The following CFAP46 variants were observed in gnomAD, a reference collection of about 807,000 sequenced individuals.
The protein encoded by CFAP46 is cilia- and flagella-associated protein 46.
Under a neutral mutation model 325.7 loss-of-function variants are expected in CFAP46, and 245 were observed. The observed-to-expected ratio is 0.75, with a 90% CI of 0.68 to 0.84. CFAP46 has a LOEUF of 0.84. Among genes scored for constraint, CFAP46 ranks in the 40% least tolerant of loss-of-function variants. The pLI is 0.00. For missense variants in CFAP46, 3,346 were observed against 3,543.0 expected (o/e 0.94, Z 1.41); for synonymous variants, 1,523 against 1,495.9 (o/e 1.02, Z -0.42).
At chr10:132,903,868 G>T (rs1447703272) in intron 22 of CFAP46, among the ~76,000 whole-genome samples, 1 of 152,126 alleles carries the variant, frequency 6.6e-6, no homozygotes, top group Admixed American at 6.5e-5. Flanking sequence ...TAAGACTATT[G>T]TTCTTTACCC....
chr10:132,833,376 G>A lies in CFAP46; in HGVS notation c.7099C>T (p.Leu2367Phe), dbSNP rs752465441. The change falls in exon 50 of 58, where the codon CTC becomes TTC. Residue 2367 changes from leucine (L) to phenylalanine (F), a missense_variant. Leu to Phe is a conservative substitution (Grantham distance 22). Coordinates refer to ENST00000368586, the MANE Select transcript of CFAP46 (RefSeq NM_001200049.3). The part of the protein sequence containing the change: ...EFSLQMLWNR[L>F]HKEETEGGVK... ...TTCCTACCTGTCTCTTCTTTATGGA[G>A]GCGATTCCACAGCATTTGAAGAGAA... The A allele has an allele frequency of 6.2e-7, 1 of 1,613,896 alleles. No individual in the cohort carries two copies. Among genetic ancestry groups the A allele is most frequent in the East Asian group, 2.2e-5 (1 of 44,894 alleles).
chr10:132,830,735 T>C (rs1013261331), intron 50 of CFAP46, among the ~76,000 whole-genome samples: 6 of 152,248 alleles, frequency 3.9e-5, no homozygotes, highest in African/African-American at 1.2e-4. Context: ...ATTAATTTTA[T>C]TGATTTTTCT....
In CFAP46 at chr10:132,832,984, T is replaced by C. The variant is rs1308710313; in HGVS notation, c.7117+374A>G. The stretch of plus-strand genomic sequence containing the variant: ...AGTGTTTATATATATACATATATAT[T>C]TTATTTTTGACAGGGTCTCACTCTG... On this transcript the variant is annotated intron_variant, in intron 50 of 57. Coordinates refer to ENST00000368586, the MANE Select transcript of CFAP46 (RefSeq NM_001200049.3). This position sits in a 1 kb window ranked among gnomAD's most constrained non-coding sequence, Gnocchi z 4.1. Among the ~76,000 whole-genome samples the C allele has an allele frequency of 6.6e-6, 1 of 152,140 alleles. No individual in the cohort carries two copies. The highest frequency in any genetic ancestry group is 1.5e-5 in the Non-Finnish European group (1 of 68,030).
rs566379853 is a variant in CFAP46, at chr10:132,884,707, G to A, written c.3627+396C>T. ...CGCCCACATCCCAGGGCCCTGCAGAGCCCTGCTCTCCTGTGCAGCCACCCG... is the reference window on the plus strand; with the variant it reads ...CGCCCACATCCCAGGGCCCTGCAGAACCCTGCTCTCCTGTGCAGCCACCCG... On this transcript the variant is annotated intron_variant, in intron 27 of 57. Coordinates refer to ENST00000368586, the MANE Select transcript of CFAP46 (RefSeq NM_001200049.3). The surrounding 1 kb of genome is among the most constrained non-coding windows in gnomAD (Gnocchi z 5.4). Among the ~76,000 whole-genome samples, 76 of 152,194 alleles carry A rather than the reference G, an allele frequency of 5.0e-4. No individual in the cohort carries two copies. Among genetic ancestry groups the A allele is most frequent in the Middle Eastern group, 3.4e-3 (1 of 294 alleles).
chr10:132,888,363 C>T (rs61862358), intron 25 of CFAP46, among the ~76,000 whole-genome samples: 68 of 46,256 alleles, frequency 1.5e-3, no homozygotes, highest in South Asian at 4.2e-3. Flanking sequence ...CTGCCGCCTG[C>T]ACCTGCCACC....
intron 5 of CFAP46, 85 bp downstream of exon 5, chr10:132,938,503 TC>T (rs60993054): frequency 0.43 from 537,079 of 1,238,472 alleles, 117,018 homozygotes; most frequent in African/African-American, 0.72. Flanking sequence ...GGAACTCCCG[TC>T]CCCCCCCCGG....
intron 35 of CFAP46, among the ~76,000 whole-genome samples, chr10:132,862,503 A>C (rs2135240193): frequency 6.6e-6 from 1 of 151,450 alleles, no homozygotes; most frequent in South Asian, 2.1e-4. Context: ...ACTGAGTGGG[A>C]GGGGCAGAGC....
rs1480333612 is a variant in CFAP46, at chr10:132,924,767, C to G, written c.1185G>C (p.Leu395=). The part of the protein sequence containing the change: ...ATQWNTCLPL[L]QHNLRHHLRK... ...GCAGGTGGTGCCGCAGGTTGTGCTG[C>G]AGCAGGGGCAGGCAGGTGTTCCACT... Residue 395 remains leucine, a synonymous_variant, in exon 11 of 58, where the codon CTG becomes CTC. Coordinates refer to ENST00000368586, the MANE Select transcript of CFAP46 (RefSeq NM_001200049.3). 6.5e-7 allele frequency: 1 copy of G among 1,535,678 alleles called. No homozygotes were observed. The highest frequency in any genetic ancestry group is 2.5e-5 in the East Asian group (1 of 39,932).
intron 44 of CFAP46, among the ~76,000 whole-genome samples, chr10:132,837,417 G>A (rs773686756): frequency 2.0e-5 from 3 of 151,234 alleles, no homozygotes; most frequent in Non-Finnish European, 4.4e-5. Context: ...ACACAGACAT[G>A]CACGGACACA....
chr10:132,905,010 T>G (rs1269069519), intron 22 of CFAP46, among the ~76,000 whole-genome samples: 1 of 152,210 alleles, frequency 6.6e-6, no homozygotes, highest in Non-Finnish European at 1.5e-5. Context: ...TGGTCCCCAC[T>G]GTGACCCTGG....
chr10:132,881,133 T>G (rs1432571876), intron 27 of CFAP46, 101 bp from the exon 28 acceptor site: 13 of 1,160,996 alleles, frequency 1.1e-5, no homozygotes, highest in Non-Finnish European at 1.5e-5. Context: ...AAGAAAAGCT[T>G]CATTCTTACC....
intron 29 of CFAP46, 27 bp from the exon 30 acceptor site, chr10:132,878,114 A>C (rs1242227893): frequency 1.3e-6 from 2 of 1,548,812 alleles, no homozygotes; most frequent in Non-Finnish European, 1.7e-6. Context: ...CCACATTTGC[A>C]GCACTGAAAA....
At position 132,899,182 on chromosome 10, in the gene CFAP46, C is replaced by A; in HGVS notation, c.3057-61G>T. Reference sequence around the variant, plus strand: ...CTGGGCCCACCTGGAGCTGCTGGACCAGGAGGGACAGGAAGGTCGGGCGCC... The same window carrying A: ...CTGGGCCCACCTGGAGCTGCTGGACAAGGAGGGACAGGAAGGTCGGGCGCC... On this transcript the variant is annotated intron_variant, in intron 23 of 57. Coordinates refer to ENST00000368586, the MANE Select transcript of CFAP46 (RefSeq NM_001200049.3). The A allele has an allele frequency of 2.7e-6, 4 of 1,501,254 alleles. No individual in the cohort carries two copies. In the South Asian group the frequency reaches 4.0e-5, roughly 15 times the overall value. The allele number at this position is 1,501,254 out of a possible 1,614,324, so 93.0% of individuals were successfully genotyped here. A position where few individuals can be genotyped will look rare whatever the true frequency, so the allele number is the denominator to read the frequency against.
Position 132,939,177 on chromosome 10 carries a change from AG to A in CFAP46, c.372-425del, listed in dbSNP as rs1348873498. On this transcript the variant is annotated intron_variant, in intron 4 of 57. Coordinates refer to ENST00000368586, the MANE Select transcript of CFAP46 (RefSeq NM_001200049.3). This position sits in a 1 kb window ranked among gnomAD's most constrained non-coding sequence, Gnocchi z 4.6. ...GAGGGAATCAAGGAAGGCTTCCTGG[AG>A]GAGGTTACATGCCTGCTGTGACCTG... is the stretch of plus-strand genomic sequence containing the variant. Among the ~76,000 whole-genome samples, 1 of 152,222 alleles carries A rather than the reference AG, an allele frequency of 6.6e-6. No individual in the cohort carries two copies. The highest frequency in any genetic ancestry group is 1.5e-5 in the Non-Finnish European group (1 of 68,030).
intron 44 of CFAP46, among the ~76,000 whole-genome samples, chr10:132,845,224 C>G (rs1347141495): frequency 6.6e-6 from 1 of 152,244 alleles, no homozygotes; most frequent in Non-Finnish European, 1.5e-5. Context: ...CCTGCAGGCC[C>G]CTTGCCTCCA....
At position 132,912,899 on chromosome 10, in the gene CFAP46, C is replaced by T. The variant is rs865975145; in HGVS notation, c.2334-79G>A. ...TCCCATGTGCTGAGTCCTCAGGTCACGGTAAGAGGCCTGAGATGCACGGGT... is the reference window on the plus strand; with the variant it reads ...TCCCATGTGCTGAGTCCTCAGGTCATGGTAAGAGGCCTGAGATGCACGGGT... On this transcript the variant is annotated intron_variant, in intron 18 of 57. Coordinates refer to ENST00000368586, the MANE Select transcript of CFAP46 (RefSeq NM_001200049.3). 85 of 1,515,040 alleles carry T rather than the reference C, an allele frequency of 5.6e-5. No individual in the cohort carries two copies. The Middle Eastern group carries it at 3.9e-3, about 70-fold the overall frequency. The allele number at this position is 1,515,040 out of a possible 1,614,324, so 93.8% of individuals were successfully genotyped here.
At chr10:132,837,082 C>A in intron 44 of CFAP46, 168 bp from the exon 45 acceptor site, 1 of 571,612 alleles carries the variant, frequency 1.7e-6, no homozygotes. Flanking sequence ...GGAAGTGACT[C>A]GGGGCTGCCA....
chr10:132,820,161 C>A (rs1847766070), intron 50 of CFAP46, among the ~76,000 whole-genome samples: 1 of 152,254 alleles, frequency 6.6e-6, no homozygotes, highest in Admixed American at 6.5e-5. Flanking sequence ...GACGACGGAG[C>A]AGGTCTCAGC....
At chr10:132,906,258 C>T (rs1849454597) in intron 22 of CFAP46, among the ~76,000 whole-genome samples, 1 of 152,222 alleles carries the variant, frequency 6.6e-6, no homozygotes, top group South Asian at 2.1e-4. Flanking sequence ...TGGCAGGGCT[C>T]GCAGCCTCCT....
Sources: gnomAD v4.1 joint callset for allele counts (sites outside exome capture counted in the v4.1 genomes callset) on GRCh38, gnomAD v4.1.1 for gene constraint, Gnocchi (gnomAD v3.1) non-coding constraint, MANE v1.5 for transcripts, NCBI Gene and HGNC (gene_info 2026-07-23, HGNC 2026-07-21) for gene names.